GIT2: variants seen among roughly 807,000 people sequenced by gnomAD.
The protein encoded by GIT2 is GIT ArfGAP 2, also known as ARF GTPase-activating protein GIT2.
Under a neutral mutation model 100.3 loss-of-function variants are expected in GIT2, and 32 were observed. The ratio of observed to expected loss-of-function variants is 0.32; its 90% CI spans 0.24 to 0.43. GIT2 has a LOEUF of 0.43. Ranked by LOEUF, GIT2 falls within the 20% of genes least tolerant of loss-of-function variation. GIT2 has a pLI of 1.00. For missense variants in GIT2, 737 were observed against 975.1 expected (o/e 0.76, Z 3.25); for synonymous variants, 353 against 364.1 (o/e 0.97, Z 0.35).
intron 7 of GIT2, among the ~76,000 whole-genome samples, chr12:109,971,137 T>A (rs899406571): frequency 6.6e-6 from 1 of 152,178 alleles, no homozygotes; most frequent in Non-Finnish European, 1.5e-5. Context: ...AAATCCTCAA[T>A]TGAAGTAAAT....
intron 17 of GIT2, chr12:109,938,843 C>T (rs1873786662): frequency 2.0e-6 from 1 of 497,032 alleles, no homozygotes; most frequent in Middle Eastern, 5.2e-4. Context: ...ATAAAGCCAT[C>T]CTCAGGTGGG....
chr12:109,973,075 A>G (rs552274561), intron 7 of GIT2, among the ~76,000 whole-genome samples: 1 of 151,302 alleles, frequency 6.6e-6, no homozygotes, highest in African/African-American at 2.4e-5. Flanking sequence ...CAATCCTCCT[A>G]CTTCGGCCTT....
upstream of GIT2, chr12:109,999,697 G>C (rs1354916872): frequency 6.5e-7 from 1 of 1,535,622 alleles, no homozygotes; most frequent in South Asian, 1.2e-5. The surrounding 1 kb of genome is among the most constrained non-coding windows in gnomAD (Gnocchi z 4.3). Context: ...CCATGTCCTC[G>C]GCCTGCGACG....
intron 11 of GIT2, among the ~76,000 whole-genome samples, chr12:109,960,501 G>A (rs944655569): frequency 1.3e-5 from 2 of 151,920 alleles, no homozygotes; most frequent in Non-Finnish European, 2.9e-5. Flanking sequence ...GAATCGCTTG[G>A]GTCCGGGAGG....
intron 18 of GIT2, among the ~76,000 whole-genome samples, chr12:109,936,066 A>G (rs1451077314): frequency 3.3e-5 from 5 of 152,334 alleles, no homozygotes; most frequent in African/African-American, 1.2e-4. Flanking sequence ...GGTTGCTTAC[A>G]TGGATCAAGA....
chr12:109,952,439 A>G (rs1878151552), intron 13 of GIT2: 2 of 513,580 alleles, frequency 3.9e-6, no homozygotes, highest in Non-Finnish European at 3.9e-6. Context: ...CCACCAGAAG[A>G]GTCCTCCCCA....
chr12:109,972,121 A>G (rs1884039987), intron 7 of GIT2, among the ~76,000 whole-genome samples: 1 of 152,188 alleles, frequency 6.6e-6, no homozygotes, highest in Admixed American at 6.5e-5. Context: ...TCTACATAGA[A>G]ATCATCTCAT....
At chr12:109,998,707 G>A (rs1375263853), upstream of GIT2, 1 of 152,196 alleles carries the variant, frequency 6.6e-6, no homozygotes, top group Non-Finnish European at 1.5e-5. Flanking sequence ...ACCATAGTTA[G>A]CTATTGAATC....
rs143319879 is a variant in GIT2, at chr12:109,992,443, G to A, written c.53-683C>T. 3.1e-3 allele frequency among the ~76,000 whole-genome samples: 463 copies of A among 151,382 alleles called. 2 individuals are homozygous for A. Among genetic ancestry groups the A allele is most frequent in the Non-Finnish European group, 5.7e-3 (385 of 67,764 alleles). On this transcript the variant is annotated intron_variant, in intron 1 of 19. Coordinates refer to ENST00000355312, the MANE Select transcript of GIT2 (RefSeq NM_057169.5). ...ATTACAGGCGTGAGCCACTGTGCCCGGCCAAGATAATATAATTTTGACAGT... is the reference window on the plus strand; with the variant it reads ...ATTACAGGCGTGAGCCACTGTGCCCAGCCAAGATAATATAATTTTGACAGT...
intron 7 of GIT2, 128 bp from the exon 8 acceptor site, chr12:109,967,631 CT>C: frequency 1.5e-6 from 1 of 686,694 alleles, no homozygotes; most frequent in Non-Finnish European, 2.6e-6. Flanking sequence ...AGTCATGTTG[CT>C]AGACTAGCTA....
intron 9 of GIT2, among the ~76,000 whole-genome samples, chr12:109,964,388 A>T (rs1881770315): frequency 6.6e-6 from 1 of 152,120 alleles, no homozygotes; most frequent in Non-Finnish European, 1.5e-5. Context: ...GTATTATATG[A>T]AGTTTTAGTA....
intron 16 of GIT2, 42 bp from the exon 17 acceptor site, chr12:109,939,289 G>T: frequency 1.8e-6 from 2 of 1,125,706 alleles, no homozygotes; most frequent in South Asian, 1.2e-5. Context: ...TGTAACATGA[G>T]ACTCTTCTCA....
At chr12:109,992,140 CTTTTT>C (rs35643426) in intron 1 of GIT2, 2 of 92,184 alleles carry the variant, frequency 2.2e-5, no homozygotes, top group Non-Finnish European at 4.1e-5. Context: ...CAAGATAATA[CTTTTT>C]TTTTTTTTTT....
chr12:109,994,684 G>C (rs1480433811), intron 1 of GIT2, among the ~76,000 whole-genome samples: 4 of 152,188 alleles, frequency 2.6e-5, no homozygotes, highest in Non-Finnish European at 5.9e-5. Context: ...GATGGCAATG[G>C]AGGAACAATT....
At chr12:109,959,774 G>C in intron 12 of GIT2, 73 bp downstream of exon 12, 1 of 878,760 alleles carries the variant, frequency 1.1e-6, no homozygotes, top group Non-Finnish European at 1.9e-6. Flanking sequence ...GCTTTAATTA[G>C]TTTATAACTT....
intron 4 of GIT2, among the ~76,000 whole-genome samples, chr12:109,986,458 C>G (rs763871781): frequency 5.9e-5 from 9 of 152,050 alleles, no homozygotes; most frequent in Admixed American, 5.9e-4. Flanking sequence ...GGTGAAACCC[C>G]GTCTCTACTA....
In GIT2 at chr12:109,948,194, T is replaced by C; in HGVS notation, c.1393-690A>G. 3 of 984,238 alleles carry C rather than the reference T, an allele frequency of 3.0e-6. No homozygotes were observed. The highest frequency in any genetic ancestry group is 3.6e-6 in the Non-Finnish European group (3 of 828,974). The allele number at this position is 984,238 out of a possible 1,614,324, so 61.0% of individuals were successfully genotyped here. A position where few individuals can be genotyped will look rare whatever the true frequency, so the allele number is the denominator to read the frequency against. ...TATATTAACATATCACGAAGAAAAC[T>C]GGAAACCTATTGATCTATGGAATTG... On this transcript the variant is annotated intron_variant, in intron 14 of 19. Transcript: ENST00000355312. The surrounding 1 kb of genome is among the most constrained non-coding windows in gnomAD (Gnocchi z 4.3).
chr12:109,949,119 C>A, intron 14 of GIT2: 1 of 432,566 alleles, frequency 2.3e-6, no homozygotes, highest in Non-Finnish European at 4.1e-6. Context: ...TAGCTCATAT[C>A]TGCAATTCCC....
At chr12:109,967,340 C>T in intron 8 of GIT2, 118 bp downstream of exon 8, 1 of 1,596,116 alleles carries the variant, frequency 6.3e-7, no homozygotes, top group Non-Finnish European at 8.6e-7. Flanking sequence ...AATGGTATAG[C>T]CATAAAAGAG....
Sources: allele counts gnomAD v4.1 joint callset (sites outside exome capture counted in the v4.1 genomes callset), GRCh38; gene constraint gnomAD v4.1.1; non-coding constraint Gnocchi (gnomAD v3.1); transcripts MANE v1.5; gene names NCBI Gene and HGNC (gene_info 2026-07-23, HGNC 2026-07-21).